ARV1: variants seen among roughly 807,000 people sequenced by gnomAD.
ARV1 encodes protein ARV1.
A neutral mutation model predicts 31.1 loss-of-function variants in ARV1; 26 were observed. The ratio of observed to expected loss-of-function variants is 0.84; its 90% CI spans 0.61 to 1.16. ARV1 has a LOEUF of 1.16. ARV1 is among the 50% of genes most tolerant of loss of function. ARV1 has a pLI of 0.00. For missense variants in ARV1, 281 were observed against 324.9 expected (o/e 0.86, Z 1.04); for synonymous variants, 117 against 123.2 (o/e 0.95, Z 0.34).
chr1:230,997,173 A>C lies in ARV1; in HGVS notation c.726A>C (p.Leu242Phe). Residue 242 changes from leucine to phenylalanine, a missense_variant, in exon 5 of 6, where the codon TTA becomes TTC. Coordinates refer to ENST00000310256, the MANE Select transcript of ARV1 (RefSeq NM_022786.3). Reference sequence around the variant, plus strand: ...CCTTCTTGGCCGTGTTGAGTGGCTTACTGCTGGAAAGCATCATGGTCTACT... The same window carrying C: ...CCTTCTTGGCCGTGTTGAGTGGCTTCCTGCTGGAAAGCATCATGGTCTACT... ...KLSFLAVLSGLLLESIMVYFF... is the reference protein window; with the variant it reads ...KLSFLAVLSGFLLESIMVYFF... The C allele has an allele frequency of 6.2e-7, 1 of 1,614,048 alleles. No individual in the cohort carries two copies. The highest frequency in any genetic ancestry group is 1.1e-5 in the South Asian group (1 of 91,078).
At chr1:230,997,858 C>T (rs1245303820) in intron 5 of ARV1, among the ~76,000 whole-genome samples, 1 of 152,170 alleles carries the variant, frequency 6.6e-6, no homozygotes, top group East Asian at 1.9e-4. Context: ...GAGCAGCCAC[C>T]TCTGCCAGTG....
intron 3 of ARV1, among the ~76,000 whole-genome samples, chr1:230,994,686 C>T (rs980680549): frequency 6.6e-5 from 10 of 152,022 alleles, no homozygotes; most frequent in Non-Finnish European, 1.2e-4. Flanking sequence ...GGACTACAGG[C>T]GCCTGCCACC....
chr1:230,986,666 CTATTTTTTTTTTTTTTTTTT>C (rs1166341584), intron 1 of ARV1, among the ~76,000 whole-genome samples: 10 of 79,688 alleles, frequency 1.3e-4, no homozygotes, highest in African/African-American at 3.5e-4. Flanking sequence ...AATACTTTTC[CTATTTTTTTTTTTTTTTTTT>C]TTTTTTTTTT....
At chr1:230,984,359 T>TGTGTGTGTGTGTGCGC (rs71179756) in intron 1 of ARV1, among the ~76,000 whole-genome samples, 6,410 of 93,454 alleles carry the variant, frequency 0.069, 204 homozygotes, top group Middle Eastern at 0.16. Flanking sequence ...TGTGTGTGTG[T>TGTGTGTGTGTGTGCGC]GTGCGTGTGT....
chr1:230,986,158 G>A lies in ARV1; in HGVS notation c.175-2162G>A, dbSNP rs551496587. Among the ~76,000 whole-genome samples the A allele has an allele frequency of 2.6e-5, 4 of 151,912 alleles. No individual in the cohort carries two copies. The South Asian group carries it at 6.2e-4, about 24-fold the overall frequency. On this transcript the variant is annotated intron_variant, in intron 1 of 5. Coordinates refer to ENST00000310256, the MANE Select transcript of ARV1 (RefSeq NM_022786.3). ...AGGATGGTCTCGATTTCCTGACCTC[G>A]TGATCCACCTGCCTCGGACTCCCAA...
chr1:230,991,556 T>A (rs1392306540), intron 3 of ARV1, among the ~76,000 whole-genome samples: 1 of 152,164 alleles, frequency 6.6e-6, no homozygotes, highest in Admixed American at 6.5e-5. Context: ...CAGTCATCCC[T>A]GATGCCTCTT....
chr1:230,996,111 C>T (rs1006664670), intron 4 of ARV1, 127 bp downstream of exon 4: 18 of 691,332 alleles, frequency 2.6e-5, no homozygotes, highest in Non-Finnish European at 4.4e-5. Context: ...AGTAATAATA[C>T]CTAACACTTC....
intron 2 of ARV1, among the ~76,000 whole-genome samples, chr1:230,989,473 G>C (rs903292061): frequency 2.0e-5 from 3 of 152,140 alleles, no homozygotes; most frequent in Non-Finnish European, 4.4e-5. Flanking sequence ...AGTTCAACCT[G>C]AAGGAGGAAT....
At chr1:230,994,771 C>T (rs1337428117) in intron 3 of ARV1, among the ~76,000 whole-genome samples, 1 of 152,132 alleles carries the variant, frequency 6.6e-6, no homozygotes, top group Non-Finnish European at 1.5e-5. Flanking sequence ...ATCTCAATCT[C>T]CTGACCTTGT....
At chr1:230,985,721 C>G (rs927178557) in intron 1 of ARV1, among the ~76,000 whole-genome samples, 1 of 152,140 alleles carries the variant, frequency 6.6e-6, no homozygotes, top group Admixed American at 6.5e-5. Flanking sequence ...GAAGCAGCCT[C>G]TCTGGTGTCC....
intron 3 of ARV1, among the ~76,000 whole-genome samples, chr1:230,992,138 G>A (rs994653128): frequency 1.8e-4 from 28 of 152,142 alleles, no homozygotes; most frequent in African/African-American, 6.5e-4. Flanking sequence ...GTAGCTCCCC[G>A]TTTCACTCAG....
In ARV1 at chr1:230,990,090, G is replaced by A. The variant is rs1679187189; in HGVS notation, c.295-20G>A. On this transcript the variant is annotated intron_variant, in intron 2 of 5. Coordinates refer to ENST00000310256, the MANE Select transcript of ARV1 (RefSeq NM_022786.3). ...CTGGGTTTCCTTACCTAATTGAATG[G>A]CAATGTCTTTGACTATCAGATCCAT... 1 of 1,586,040 alleles carries A rather than the reference G, an allele frequency of 6.3e-7. No homozygotes were observed. Among genetic ancestry groups the A allele is most frequent in the Admixed American group, 1.9e-5 (1 of 51,926 alleles).
chr1:230,987,548 T>C (rs567790105), intron 1 of ARV1, among the ~76,000 whole-genome samples: 3 of 152,268 alleles, frequency 2.0e-5, no homozygotes, highest in South Asian at 4.1e-4. Flanking sequence ...GAACTCAAAA[T>C]TGGTGACCCT....
intron 1 of ARV1, among the ~76,000 whole-genome samples, chr1:230,983,598 A>G (rs1678973954): frequency 8.0e-6 from 1 of 125,068 alleles, no homozygotes; most frequent in African/African-American, 3.0e-5. Context: ...GCAAAGATGA[A>G]TAAGACACAG....
At chr1:230,987,195 G>T (rs1270171465) in intron 1 of ARV1, among the ~76,000 whole-genome samples, 1 of 152,150 alleles carries the variant, frequency 6.6e-6, no homozygotes, top group Non-Finnish European at 1.5e-5. Context: ...AACAGGCGGG[G>T]AGCATCTGCA....
intron 1 of ARV1, 103 bp from the exon 2 acceptor site, chr1:230,988,217 A>G: frequency 1.1e-6 from 1 of 937,728 alleles, no homozygotes; most frequent in Non-Finnish European, 1.6e-6. Flanking sequence ...TAATATGGCC[A>G]TATTGCTATC....
rs750619283 is a variant in ARV1, at chr1:230,990,203, G to A, written c.388G>A (p.Asp130Asn). Residue 130 changes from aspartate to asparagine, a missense_variant, in exon 3 of 6, where the codon GAC becomes AAC. Coordinates refer to ENST00000310256, the MANE Select transcript of ARV1 (RefSeq NM_022786.3). ...QDSNQNTAPD[D>N]LIRYAKEWDF... is the part of the protein sequence containing the mutation. ...TTCCAACCAGAATACTGCCCCTGAT[G>A]ACTTGATCAGATATGCTAAGGAATG... 1 of 1,613,222 alleles carries A rather than the reference G, an allele frequency of 6.2e-7. No individual in the cohort carries two copies. The highest frequency in any genetic ancestry group is 8.5e-7 in the Non-Finnish European group (1 of 1,179,882).
intron 1 of ARV1, among the ~76,000 whole-genome samples, chr1:230,980,441 A>G (rs1436647872): frequency 8.6e-5 from 13 of 151,958 alleles, no homozygotes; most frequent in Admixed American, 8.5e-4. Flanking sequence ...AGTTCAAGCA[A>G]TTCTCCTGCC....
intron 3 of ARV1, among the ~76,000 whole-genome samples, chr1:230,993,853 C>T (rs1021125656): frequency 6.6e-6 from 1 of 152,186 alleles, no homozygotes; most frequent in Non-Finnish European, 1.5e-5. Flanking sequence ...CATGTTCATG[C>T]CACTGCACTT....
Sources: allele counts gnomAD v4.1 joint callset (sites outside exome capture counted in the v4.1 genomes callset), GRCh38; gene constraint gnomAD v4.1.1; transcripts MANE v1.5; gene names NCBI Gene and HGNC (gene_info 2026-07-23, HGNC 2026-07-21).